TCERG1L: variants seen among roughly 807,000 people sequenced by gnomAD.
The protein encoded by TCERG1L is transcription elongation regulator 1 like, also known as transcription elongation regulator 1-like protein.
TCERG1L carries 37 observed loss-of-function variants against 56.3 expected under a neutral mutation model. The observed-to-expected ratio is 0.66, with a 90% CI of 0.51 to 0.87. The LOEUF (loss-of-function observed/expected upper bound fraction) is 0.87, where lower values mean the gene tolerates loss of function less well. Ranked by LOEUF, TCERG1L falls within the 40% of genes least tolerant of loss-of-function variation. The pLI is 0.00. For synonymous variants in TCERG1L, 324 were observed against 326.3 expected (o/e 0.99, Z 0.08); for missense variants, 799 against 774.2 (o/e 1.03, Z -0.38).
At chr10:131,227,148 T>C (rs896371099) in intron 4 of TCERG1L, among the ~76,000 whole-genome samples, 3 of 152,242 alleles carry the variant, frequency 2.0e-5, no homozygotes, top group African/African-American at 7.2e-5. Context: ...GGCATGGCCA[T>C]GGGCCCTAGC....
At chr10:131,259,097 A>G (rs942129421) in intron 4 of TCERG1L, among the ~76,000 whole-genome samples, 1 of 152,218 alleles carries the variant, frequency 6.6e-6, no homozygotes, top group East Asian at 1.9e-4. Context: ...CCGACTTATC[A>G]ACTAATTCAT....
rs1589772602 is a variant in TCERG1L, at chr10:131,285,555, GAAGAAAGAAA to G, written c.670+22646_670+22655del. Among the ~76,000 whole-genome samples, 4 of 132,224 alleles carry G rather than the reference GAAGAAAGAAA, an allele frequency of 3.0e-5. No homozygotes were observed. In the East Asian group the frequency reaches 9.3e-4, roughly 31 times the overall value. The allele number at this position is 132,224 out of a possible 152,430, so 86.7% of individuals were successfully genotyped here. Reference sequence around the variant, plus strand: ...AAGAAAAGAAAAGAAAGAAAGGAAGGAAGAAAGAAAAAGAAAGAAAGAAAGAAAAAAAATG... The same window carrying G: ...AAGAAAAGAAAAGAAAGAAAGGAAGGAAGAAAGAAAGAAAGAAAAAAAATG... On this transcript the variant is annotated intron_variant, in intron 3 of 11. Coordinates refer to ENST00000368642, the MANE Select transcript of TCERG1L (RefSeq NM_174937.4).
intron 4 of TCERG1L, among the ~76,000 whole-genome samples, chr10:131,256,165 T>A (rs1846162839): frequency 6.6e-6 from 1 of 152,192 alleles, no homozygotes; most frequent in African/African-American, 2.4e-5. Flanking sequence ...GAGGAAACAA[T>A]TCCTGGATGA....
At chr10:131,287,051 T>G (rs1589773061) in intron 3 of TCERG1L, among the ~76,000 whole-genome samples, 1 of 152,366 alleles carries the variant, frequency 6.6e-6, no homozygotes, top group East Asian at 1.9e-4. Flanking sequence ...TGAACTAAAT[T>G]AACAAATTAT....
Position 131,262,533 on chromosome 10 carries a change from G to GA in TCERG1L, c.671-2090dup, listed in dbSNP as rs1048760521. 4.6e-5 allele frequency among the ~76,000 whole-genome samples: 7 copies of GA among 152,240 alleles called. No individual in the cohort carries two copies. The Middle Eastern group carries it at 0.017, about 370-fold the overall frequency. On this transcript the variant is annotated intron_variant, in intron 3 of 11. Transcript: ENST00000368642. ...GTTATAGAGCAGCTTTAGGTTTACA[G>GA]AAAAAATGGGTAGAAAGTAGAGAGA...
chr10:131,123,831 G>A lies in TCERG1L; in HGVS notation c.1260-6897C>T, dbSNP rs139062013. Among the ~76,000 whole-genome samples the A allele has an allele frequency of 5.5e-3, 841 of 152,288 alleles. 10 individuals carry two copies. Among genetic ancestry groups the A allele is most frequent in the African/African-American group, 0.019 (810 of 41,572 alleles). On this transcript the variant is annotated intron_variant, in intron 8 of 11. Coordinates refer to ENST00000368642, the MANE Select transcript of TCERG1L (RefSeq NM_174937.4). ...GTTATTCCCATTAGGACCCCACGGAGCCGAGACCCTGCCCCTGTCTTCTCA... is the reference window on the plus strand; with the variant it reads ...GTTATTCCCATTAGGACCCCACGGAACCGAGACCCTGCCCCTGTCTTCTCA...
intron 9 of TCERG1L, among the ~76,000 whole-genome samples, chr10:131,109,818 T>C (rs1845392723): frequency 1.3e-5 from 2 of 152,100 alleles, no homozygotes; most frequent in Admixed American, 1.3e-4. Context: ...TGCAATAGAT[T>C]CCCTCCCATT....
rs1343130169 is a variant in TCERG1L, at chr10:131,118,035, G to A, written c.1260-1101C>T. ...TCCAGGACGGGCAGACTCAACCCGC[G>A]CTGGGTTGGCGCACCCTCACTCTGA... On this transcript the variant is annotated intron_variant, in intron 8 of 11. Transcript: ENST00000368642. This position sits in a 1 kb window ranked among gnomAD's most constrained non-coding sequence, Gnocchi z 4.2. Among the ~76,000 whole-genome samples the A allele has an allele frequency of 2.0e-5, 3 of 152,072 alleles. No homozygotes were observed. Among genetic ancestry groups the A allele is most frequent in the Non-Finnish European group, 4.4e-5 (3 of 68,010 alleles).
intron 4 of TCERG1L, among the ~76,000 whole-genome samples, chr10:131,254,760 C>T (rs1452758347): frequency 6.6e-6 from 1 of 152,024 alleles, no homozygotes; most frequent in African/African-American, 2.4e-5. Flanking sequence ...GGCACGAACT[C>T]CTGGGCAGAC....
chr10:131,171,798 T>C (rs1393471068), intron 4 of TCERG1L, among the ~76,000 whole-genome samples: 1 of 152,230 alleles, frequency 6.6e-6, no homozygotes, highest in Non-Finnish European at 1.5e-5. Flanking sequence ...GTCGAACTCC[T>C]GACCTCAGGT....
rs181665326 is a variant in TCERG1L, at chr10:131,184,222, T to C, written c.857-17337A>G. Among the ~76,000 whole-genome samples, 4 of 152,370 alleles carry C rather than the reference T, an allele frequency of 2.6e-5. No individual in the cohort carries two copies. In the East Asian group the frequency reaches 7.7e-4, roughly 29 times the overall value. Reference sequence around the variant, plus strand: ...TTTCAAAAAACGTGGCCCATATTTCTATTCTAGCGTATCACATTTAAATGA... The same window carrying C: ...TTTCAAAAAACGTGGCCCATATTTCCATTCTAGCGTATCACATTTAAATGA... On this transcript the variant is annotated intron_variant, in intron 4 of 11. Transcript: ENST00000368642.
chr10:131,271,414 T>C (rs1191728353), intron 3 of TCERG1L, among the ~76,000 whole-genome samples: 2 of 152,336 alleles, frequency 1.3e-5, no homozygotes, highest in East Asian at 3.9e-4. Flanking sequence ...CGTCTCTCCC[T>C]GCACTCTGCA....
At chr10:131,292,167 A>ACTAT (rs1182113795) in intron 3 of TCERG1L, among the ~76,000 whole-genome samples, 1 of 152,210 alleles carries the variant, frequency 6.6e-6, no homozygotes, top group Non-Finnish European at 1.5e-5. Flanking sequence ...AGTGACTCCG[A>ACTAT]CTATCCAAGG....
chr10:131,304,370 T>TAC (rs2133585066), intron 3 of TCERG1L, among the ~76,000 whole-genome samples: 1 of 152,126 alleles, frequency 6.6e-6, no homozygotes, highest in African/African-American at 2.4e-5. Context: ...AGGGTACTCT[T>TAC]ACCCCCCAGA....
Position 131,194,279 on chromosome 10 carries a change from G to A in TCERG1L, c.857-27394C>T, listed in dbSNP as rs538684264. Reference sequence around the variant, plus strand: ...ACAAACAGATGTCACTCGCTGCCCCGAGGAACTTACACGCTGACGAAGGGA... The same window carrying A: ...ACAAACAGATGTCACTCGCTGCCCCAAGGAACTTACACGCTGACGAAGGGA... On this transcript the variant is annotated intron_variant, in intron 4 of 11. Transcript: ENST00000368642. 1.2e-4 allele frequency among the ~76,000 whole-genome samples: 18 copies of A among 152,328 alleles called. No homozygotes were observed. The East Asian group carries it at 1.5e-3, about 13-fold the overall frequency.
chr10:131,251,198 C>T (rs1475092735), intron 4 of TCERG1L, among the ~76,000 whole-genome samples: 2 of 152,178 alleles, frequency 1.3e-5, no homozygotes, highest in Non-Finnish European at 2.9e-5. Context: ...TCCCCTGGAG[C>T]TCTGCCGTGG....
intron 3 of TCERG1L, among the ~76,000 whole-genome samples, chr10:131,268,617 T>C (rs2133550901): frequency 6.6e-6 from 1 of 152,322 alleles, no homozygotes; most frequent in Non-Finnish European, 1.5e-5. Context: ...ATCTCTTCTG[T>C]AGTGTAGCCA....
At chr10:131,174,316 A>G (rs1846123755) in intron 4 of TCERG1L, among the ~76,000 whole-genome samples, 1 of 152,204 alleles carries the variant, frequency 6.6e-6, no homozygotes. Flanking sequence ...GCCCGGCCGC[A>G]CAGGCTGAAA....
At chr10:131,202,976 G>T (rs1457932595) in intron 4 of TCERG1L, among the ~76,000 whole-genome samples, 1 of 152,212 alleles carries the variant, frequency 6.6e-6, no homozygotes, top group Non-Finnish European at 1.5e-5. Context: ...ATCCTAAGTG[G>T]AAGTTTGAGT....
Sources: allele counts gnomAD v4.1 joint callset (sites outside exome capture counted in the v4.1 genomes callset), GRCh38; gene constraint gnomAD v4.1.1; non-coding constraint Gnocchi (gnomAD v3.1); transcripts MANE v1.5; gene names NCBI Gene and HGNC (gene_info 2026-07-23, HGNC 2026-07-21).